The following THSD4 variants were observed in gnomAD, a reference collection of about 807,000 sequenced individuals.
THSD4 encodes thrombospondin type-1 domain-containing protein 4.
Under a neutral mutation model 119.0 loss-of-function variants are expected in THSD4, and 69 were observed. The ratio of observed to expected loss-of-function variants is 0.58; its 90% CI spans 0.48 to 0.71. The LOEUF (loss-of-function observed/expected upper bound fraction) is 0.71. THSD4 is among the 30% of genes least tolerant of loss of function. The pLI is 0.00. For synonymous variants in THSD4, 524 were observed against 540.4 expected, an observed-to-expected ratio of 0.97 and a Z score of 0.42; for missense variants, 1,393 against 1,391.1, an observed-to-expected ratio of 1.00 and a Z score of -0.02.
chr15:71,130,966 A>C (rs2040498548), intron 1 of THSD4, among the ~76,000 whole-genome samples: 1 of 151,844 alleles, frequency 6.6e-6, no homozygotes, highest in Admixed American at 6.6e-5. Flanking sequence ...GGATGGTCTC[A>C]ATCTCCTGAC....
At chr15:71,286,816 T>C (rs1029386344) in intron 6 of THSD4, among the ~76,000 whole-genome samples, 6 of 152,230 alleles carry the variant, frequency 3.9e-5, no homozygotes, top group African/African-American at 1.4e-4. Flanking sequence ...CAGCATCTGT[T>C]ATTTTTTGTC....
intron 6 of THSD4, among the ~76,000 whole-genome samples, chr15:71,340,838 G>C (rs1312459500): frequency 6.6e-6 from 1 of 152,012 alleles, no homozygotes; most frequent in Non-Finnish European, 1.5e-5. Context: ...GAGCTCAGGT[G>C]GTCCACCCAC....
At chr15:71,513,478 T>C (rs1478142630) in intron 7 of THSD4, among the ~76,000 whole-genome samples, 1 of 152,162 alleles carries the variant, frequency 6.6e-6, no homozygotes, top group Non-Finnish European at 1.5e-5. Flanking sequence ...AAAAGATATA[T>C]GAAGGGCCAA....
intron 6 of THSD4, among the ~76,000 whole-genome samples, chr15:71,380,218 TC>T (rs2140451647): frequency 6.6e-6 from 1 of 152,244 alleles, no homozygotes; most frequent in South Asian, 2.1e-4. Context: ...ATTTAACAAT[TC>T]CCTTCTTCTT....
At chr15:71,737,206 G>A (rs754451735) in intron 10 of THSD4, among the ~76,000 whole-genome samples, 2 of 152,208 alleles carry the variant, frequency 1.3e-5, no homozygotes, top group African/African-American at 2.4e-5. Context: ...AGATGTGATA[G>A]AAACTGAATT....
chr15:71,635,028 C>A (rs561493823), intron 7 of THSD4, among the ~76,000 whole-genome samples: 1 of 152,308 alleles, frequency 6.6e-6, no homozygotes, highest in African/African-American at 2.4e-5. Context: ...TTCCTGCCAT[C>A]GCATGGCCTC....
At chr15:71,575,944 G>A (rs1595897371) in intron 7 of THSD4, among the ~76,000 whole-genome samples, 1 of 152,192 alleles carries the variant, frequency 6.6e-6, no homozygotes, top group Admixed American at 6.5e-5. Context: ...TGGCCCTGAG[G>A]AAAGTGTGAA....
intron 7 of THSD4, among the ~76,000 whole-genome samples, chr15:71,495,786 C>A (rs2048006378): frequency 6.6e-6 from 1 of 152,206 alleles, no homozygotes; most frequent in Admixed American, 6.5e-5. Context: ...ATGCCCCTGT[C>A]CCCAGAAACT....
At chr15:71,299,975 AAATAT>A (rs1252103626) in intron 6 of THSD4, among the ~76,000 whole-genome samples, 748 of 22,958 alleles carry the variant, frequency 0.033, 9 homozygotes, top group African/African-American at 0.064. Context: ...AAAAAAAAAA[AAATAT>A]ATATATATAT....
At chr15:71,525,830 G>A (rs1012959684) in intron 7 of THSD4, among the ~76,000 whole-genome samples, 2 of 152,176 alleles carry the variant, frequency 1.3e-5, no homozygotes, top group African/African-American at 4.8e-5. Context: ...GAGAGCTGGT[G>A]AGAGCTTTGC....
intron 7 of THSD4, among the ~76,000 whole-genome samples, chr15:71,468,009 T>C (rs1341571640): frequency 6.6e-6 from 1 of 151,958 alleles, no homozygotes; most frequent in Non-Finnish European, 1.5e-5. Context: ...TCACCAAGCC[T>C]GGCTAATTTT....
chr15:71,250,671 A>G (rs753666862), intron 5 of THSD4, among the ~76,000 whole-genome samples: 28 of 152,150 alleles, frequency 1.8e-4, no homozygotes, highest in African/African-American at 6.5e-4. Flanking sequence ...TAGTTAGGGA[A>G]AAAAGAATTC....
intron 7 of THSD4, among the ~76,000 whole-genome samples, chr15:71,600,092 A>T (rs1052162794): frequency 6.6e-6 from 1 of 152,202 alleles, no homozygotes; most frequent in South Asian, 2.1e-4. Flanking sequence ...CTTTTTTAAG[A>T]CTAAAACAGC....
chr15:71,297,359 G>A (rs1012230240), intron 6 of THSD4, among the ~76,000 whole-genome samples: 14 of 110,826 alleles, frequency 1.3e-4, no homozygotes, highest in Non-Finnish European at 2.3e-4. Flanking sequence ...TTTCTGAGAC[G>A]GAATCTCGCT....
intron 7 of THSD4, among the ~76,000 whole-genome samples, chr15:71,449,813 C>A (rs1037536439): frequency 1.3e-5 from 2 of 152,136 alleles, no homozygotes; most frequent in African/African-American, 2.4e-5. Context: ...AATATGCAGG[C>A]CCAACTACTA....
At chr15:71,368,445 T>G (rs2045997900) in intron 6 of THSD4, among the ~76,000 whole-genome samples, 1 of 152,216 alleles carries the variant, frequency 6.6e-6, no homozygotes. Context: ...TGAATCCATC[T>G]TGAATTAATT....
chr15:71,360,203 C>G (rs2045874431), intron 6 of THSD4, among the ~76,000 whole-genome samples: 2 of 152,134 alleles, frequency 1.3e-5, no homozygotes, highest in South Asian at 4.1e-4. Flanking sequence ...GTTGTGTTGG[C>G]TTCCTCACAA....
intron 7 of THSD4, among the ~76,000 whole-genome samples, chr15:71,492,299 C>G (rs901783750): frequency 6.6e-6 from 1 of 152,020 alleles, no homozygotes; most frequent in Non-Finnish European, 1.5e-5. Context: ...GAGTCTTGCT[C>G]TGTCACCCAG....
chr15:71,262,075 G>A (rs771063210), intron 6 of THSD4, among the ~76,000 whole-genome samples: 1 of 152,152 alleles, frequency 6.6e-6, no homozygotes, highest in Non-Finnish European at 1.5e-5. Flanking sequence ...TTGTTTGGAT[G>A]TCTACTGCTA....
Sources: gnomAD v4.1 joint callset for allele counts (sites outside exome capture counted in the v4.1 genomes callset) on GRCh38, gnomAD v4.1.1 for gene constraint, MANE v1.5 for transcripts, NCBI Gene and HGNC (gene_info 2026-07-23, HGNC 2026-07-21) for gene names.